The following SGCD variants were observed in gnomAD, a reference collection of about 807,000 sequenced individuals.
The protein encoded by SGCD is sarcoglycan delta, also known as delta-sarcoglycan.
In SGCD, 18 loss-of-function variants were observed where a neutral mutation model predicts 36.6. That is an observed-to-expected ratio of 0.49 (90% CI 0.34 to 0.73). SGCD has a LOEUF of 0.73. Ranked by LOEUF, SGCD falls within the 30% of genes least tolerant of loss-of-function variation. SGCD has a pLI of 0.01. For synonymous variants in SGCD, 133 were observed against 130.6 expected, an observed-to-expected ratio of 1.02 and a Z score of -0.12; for missense variants, 387 against 346.7, an observed-to-expected ratio of 1.12 and a Z score of -0.92.
intron 3 of SGCD, among the ~76,000 whole-genome samples, chr5:156,286,465 A>G (rs796128017): frequency 6.6e-6 from 1 of 152,262 alleles, no homozygotes; most frequent in Non-Finnish European, 1.5e-5. Flanking sequence ...AAGATGTGGC[A>G]TATATACACC....
chr5:156,168,844 C>G (rs1763274105), intron 3 of SGCD, among the ~76,000 whole-genome samples: 2 of 152,186 alleles, frequency 1.3e-5, no homozygotes, highest in South Asian at 4.1e-4. Context: ...GCTGAACTCT[C>G]AAGAAGTTGG....
Position 155,966,961 on chromosome 5 carries a change from GTGTGTGTATGTGTATGTGTGTATA to G in SGCD, c.-282+96544_-282+96567del, listed in dbSNP as rs1405110595. Among the ~76,000 whole-genome samples, 903 of 145,342 alleles carry G rather than the reference GTGTGTGTATGTGTATGTGTGTATA, an allele frequency of 6.2e-3. 11 individuals are homozygous for G. The highest frequency in any genetic ancestry group is 0.021 in the African/African-American group (850 of 40,142). On this transcript the variant is annotated intron_variant, in intron 1 of 9. Coordinates refer to the SGCD transcript ENST00000517913. ...TGTGTGTGTGTGTGTGTGTGTGTATGTGTGTGTATGTGTATGTGTGTATATGTGTGCGTATGTGTGTATTTGTGT... is the reference window on the plus strand; with the variant it reads ...TGTGTGTGTGTGTGTGTGTGTGTATGTGTGTGCGTATGTGTGTATTTGTGT...
intron 7 of SGCD, among the ~76,000 whole-genome samples, chr5:156,682,753 G>A (rs1753768479): frequency 6.6e-6 from 1 of 151,916 alleles, no homozygotes; most frequent in African/African-American, 2.4e-5. Flanking sequence ...TGTGGTATTA[G>A]GGGTCAAGGA....
Position 156,480,490 on chromosome 5 carries a change from C to T in SGCD, c.193-28111C>T, listed in dbSNP as rs892852368. Among the ~76,000 whole-genome samples the T allele has an allele frequency of 2.6e-5, 4 of 152,286 alleles. No individual in the cohort carries two copies. In the South Asian group the frequency reaches 8.3e-4, roughly 32 times the overall value. ...TCACTCTAATTAAACCAACTTATTTCACATGCCCAACCTGAACCAGCCACT... is the reference window on the plus strand; with the variant it reads ...TCACTCTAATTAAACCAACTTATTTTACATGCCCAACCTGAACCAGCCACT... On this transcript the variant is annotated intron_variant, in intron 3 of 8. Coordinates refer to ENST00000337851, the MANE Select transcript of SGCD (RefSeq NM_000337.6).
At chr5:156,622,369 G>A (rs1008959552) in intron 6 of SGCD, among the ~76,000 whole-genome samples, 4 of 151,176 alleles carry the variant, frequency 2.6e-5, no homozygotes, top group Non-Finnish European at 5.9e-5. Context: ...GAAGGCAGAG[G>A]TTGCAGTGAG....
At chr5:155,872,543 G>T (rs768054488) in intron 1 of SGCD, among the ~76,000 whole-genome samples, 3 of 152,160 alleles carry the variant, frequency 2.0e-5, no homozygotes, top group Non-Finnish European at 4.4e-5. Flanking sequence ...TTCTTTCCCA[G>T]AATTGTAGGT....
chr5:156,364,133 A>T (rs572587636), intron 3 of SGCD, among the ~76,000 whole-genome samples: 3 of 152,172 alleles, frequency 2.0e-5, no homozygotes, highest in Admixed American at 2.0e-4. Context: ...TCACAGATCT[A>T]TCTCTCAGAA....
At chr5:156,226,090 A>G (rs1199633744) in intron 3 of SGCD, among the ~76,000 whole-genome samples, 1 of 152,044 alleles carries the variant, frequency 6.6e-6, no homozygotes, top group East Asian at 1.9e-4. Context: ...TCCATAGGTT[A>G]CTGGGGGGAC....
chr5:156,031,461 A>C (rs1335401956), intron 1 of SGCD, among the ~76,000 whole-genome samples: 2 of 152,086 alleles, frequency 1.3e-5, no homozygotes, highest in East Asian at 3.9e-4. Context: ...ATCTCATCGA[A>C]TGTAAAGGCT....
intron 1 of SGCD, among the ~76,000 whole-genome samples, chr5:155,889,803 T>C (rs1756083773): frequency 6.6e-6 from 1 of 152,210 alleles, no homozygotes; most frequent in South Asian, 2.1e-4. Flanking sequence ...ATGTGGTCCA[T>C]GTGACTGTGC....
chr5:156,485,999 A>AC (rs1755640341), intron 3 of SGCD, among the ~76,000 whole-genome samples: 1 of 152,116 alleles, frequency 6.6e-6, no homozygotes, highest in Non-Finnish European at 1.5e-5. Context: ...ATAGAGAGAT[A>AC]CCATGCAACA....
intron 3 of SGCD, among the ~76,000 whole-genome samples, chr5:156,307,555 G>GTTGTTTTTTTTT (rs1188757705): frequency 4.9e-5 from 2 of 41,146 alleles, no homozygotes; most frequent in African/African-American, 7.6e-5. Flanking sequence ...TTTAACTGTT[G>GTTGTTTTTTTTT]TTTTTTTTTT....
At chr5:156,448,388 T>C (rs1198807227) in intron 3 of SGCD, among the ~76,000 whole-genome samples, 1 of 152,080 alleles carries the variant, frequency 6.6e-6, no homozygotes, top group Non-Finnish European at 1.5e-5. Context: ...GGGGATGAAG[T>C]ATATTGGCCT....
At chr5:155,937,861 T>C (rs1327464136) in intron 1 of SGCD, among the ~76,000 whole-genome samples, 2 of 152,300 alleles carry the variant, frequency 1.3e-5, no homozygotes, top group Middle Eastern at 3.4e-3. Context: ...CCTGAGGAAG[T>C]AGCATTTCAC....
intron 7 of SGCD, among the ~76,000 whole-genome samples, chr5:156,728,546 A>G (rs1755897469): frequency 7.1e-6 from 1 of 141,534 alleles, no homozygotes; most frequent in South Asian, 2.3e-4. Flanking sequence ...AGGTAGAGTC[A>G]CTGCACATGC....
At chr5:155,962,442 G>C (rs375831047) in intron 1 of SGCD, among the ~76,000 whole-genome samples, 1 of 152,058 alleles carries the variant, frequency 6.6e-6, no homozygotes, top group East Asian at 1.9e-4. Context: ...CTGAGGACTC[G>C]CATTGCCCTC....
chr5:156,070,343 G>A lies in SGCD; in HGVS notation c.-281-47535G>A, dbSNP rs58659977. Among the ~76,000 whole-genome samples the A allele has an allele frequency of 8.2e-4, 125 of 151,910 alleles. 1 individual carries two copies. Among genetic ancestry groups the A allele is most frequent in the African/African-American group, 2.4e-3 (101 of 41,260 alleles). On this transcript the variant is annotated intron_variant, in intron 1 of 9. Coordinates refer to the SGCD transcript ENST00000517913. ...TTATTGAGAGTTTTTAGCATGAAGC[G>A]TTGTTGAATTTTGTCAAAGGCCTTT...
chr5:156,241,017 T>C (rs1216723372), intron 3 of SGCD, among the ~76,000 whole-genome samples: 1 of 152,200 alleles, frequency 6.6e-6, no homozygotes, highest in Non-Finnish European at 1.5e-5. Flanking sequence ...TGCCTTAAAC[T>C]GATTTAAGAC....
At chr5:155,977,495 A>G (rs991586992) in intron 1 of SGCD, among the ~76,000 whole-genome samples, 11 of 152,214 alleles carry the variant, frequency 7.2e-5, no homozygotes, top group Non-Finnish European at 1.2e-4. Context: ...AATGGTGTTT[A>G]ATAAATATAT....
Sources: gnomAD v4.1 joint callset for allele counts (sites outside exome capture counted in the v4.1 genomes callset) on GRCh38, gnomAD v4.1.1 for gene constraint, MANE v1.5 for transcripts, NCBI Gene and HGNC (gene_info 2026-07-23, HGNC 2026-07-21) for gene names.